CDKN2B-AS1: variants seen among roughly 807,000 people sequenced by gnomAD.
CDKN2B-AS1 encodes CDKN2B antisense RNA 1 (non-protein coding).
At chr9:22,028,793 A>G (rs1822344541) in intron 1 of CDKN2B-AS1, among the ~76,000 whole-genome samples, 1 of 152,170 alleles carries the variant, frequency 6.6e-6, no homozygotes, top group African/African-American at 2.4e-5. Flanking sequence ...CACTTCAGAA[A>G]ACTCTGCCAT....
chr9:22,115,244 C>A (rs1259542340), intron 4 of CDKN2B-AS1, among the ~76,000 whole-genome samples: 1 of 152,140 alleles, frequency 6.6e-6, no homozygotes, highest in African/African-American at 2.4e-5. Flanking sequence ...TTGTGCATGA[C>A]CTCTTTAGTT....
intron 4 of CDKN2B-AS1, among the ~76,000 whole-genome samples, chr9:22,126,826 C>T (rs1359119356): frequency 6.6e-6 from 1 of 152,140 alleles, no homozygotes; most frequent in Non-Finnish European, 1.5e-5. Flanking sequence ...CCCGCCTCGG[C>T]CTCCCAAAGT....
rs1823381499 is a variant in CDKN2B-AS1 at position 22,052,313 on chromosome 9, A to AAATG, written n.302+3096_302+3099dup. 2.0e-5 allele frequency among the ~76,000 whole-genome samples: 3 copies of AAATG among 152,306 alleles called. No homozygotes were observed. In the South Asian group the frequency reaches 6.2e-4, roughly 32 times the overall value. On this transcript the variant is annotated intron_variant and non_coding_transcript_variant, in intron 3 of 4. Transcript: ENST00000650946. ...GAGCATAGCAGGCATTCAGTGAATG[A>AAATG]AATGAATGAATGAAAAGCTAGAGTC...
intron 4 of CDKN2B-AS1, among the ~76,000 whole-genome samples, chr9:22,062,976 G>GACAC (rs534087244): frequency 8.0e-6 from 1 of 125,294 alleles, no homozygotes; most frequent in African/African-American, 3.1e-5. Flanking sequence ...GTGAAAGACA[G>GACAC]ACACACACAC....
chr9:22,009,089 C>T, intron 1 of CDKN2B-AS1: 6 of 1,337,154 alleles, frequency 4.5e-6, no homozygotes, highest in Non-Finnish European at 5.3e-6. Flanking sequence ...CTTCATTACC[C>T]TCCCGTCGTC....
intron 4 of CDKN2B-AS1, among the ~76,000 whole-genome samples, chr9:22,117,036 A>G (rs962424180): frequency 6.6e-6 from 1 of 152,242 alleles, no homozygotes; most frequent in Non-Finnish European, 1.5e-5. Flanking sequence ...ATGACTTCTA[A>G]TAATGAACAA....
At chr9:22,028,790 G>A (rs529421828) in intron 1 of CDKN2B-AS1, among the ~76,000 whole-genome samples, 1 of 152,214 alleles carries the variant, frequency 6.6e-6, no homozygotes, top group African/African-American at 2.4e-5. Context: ...TGTCACTTCA[G>A]AAAACTCTGC....
At chr9:22,124,107 TCAAA>T (rs1826143009) in intron 4 of CDKN2B-AS1, among the ~76,000 whole-genome samples, 1 of 152,290 alleles carries the variant, frequency 6.6e-6, no homozygotes, top group Non-Finnish European at 1.5e-5. Context: ...CATATATTAC[TCAAA>T]CAATTTAGAA....
At chr9:22,074,755 A>T (rs570457903) in intron 4 of CDKN2B-AS1, among the ~76,000 whole-genome samples, 2 of 152,294 alleles carry the variant, frequency 1.3e-5, no homozygotes, top group East Asian at 3.9e-4. Context: ...GGCAAGTGAG[A>T]TGCATATCTG....
chr9:22,030,110 A>T (rs952239228), intron 1 of CDKN2B-AS1: 1 of 152,240 alleles, frequency 6.6e-6, no homozygotes, highest in Non-Finnish European at 1.5e-5. Flanking sequence ...CTCACATGTC[A>T]TACTGAAAAA....
intron 1 of CDKN2B-AS1, among the ~76,000 whole-genome samples, chr9:22,041,235 A>G (rs1032814789): frequency 6.6e-6 from 1 of 152,012 alleles, no homozygotes; most frequent in Non-Finnish European, 1.5e-5. Context: ...AAAATAGACA[A>G]TCTGAAGTGA....
chr9:22,121,990 G>C (rs1009089910), intron 4 of CDKN2B-AS1, among the ~76,000 whole-genome samples: 1 of 151,526 alleles, frequency 6.6e-6, no homozygotes, highest in East Asian at 1.9e-4. Flanking sequence ...CATAGTGGTT[G>C]TACTAGTTTA....
intron 4 of CDKN2B-AS1, among the ~76,000 whole-genome samples, chr9:22,063,768 C>T (rs530918088): frequency 1.6e-4 from 25 of 152,188 alleles, no homozygotes; most frequent in Non-Finnish European, 3.1e-4. Context: ...ACGAAGACCC[C>T]GGAGCTGGAG....
chr9:22,037,103 C>T (rs1412609914), intron 1 of CDKN2B-AS1, among the ~76,000 whole-genome samples: 1 of 151,982 alleles, frequency 6.6e-6, no homozygotes, highest in Non-Finnish European at 1.5e-5. Flanking sequence ...TTGTGTTATT[C>T]AAGGATTCTA....
chr9:22,055,548 G>C (rs1823524388), intron 3 of CDKN2B-AS1, among the ~76,000 whole-genome samples: 1 of 152,048 alleles, frequency 6.6e-6, no homozygotes, highest in South Asian at 2.1e-4. Flanking sequence ...TAGGTAGGTT[G>C]GTTGTTTTTT....
intron 1 of CDKN2B-AS1, among the ~76,000 whole-genome samples, chr9:22,012,911 T>G (rs1821574675): frequency 1.3e-5 from 2 of 152,230 alleles, no homozygotes; most frequent in Non-Finnish European, 2.9e-5. Context: ...AATTAAATGG[T>G]GGACTTGTTC....
At chr9:22,002,396 A>C (rs1820958356) in intron 1 of CDKN2B-AS1, among the ~76,000 whole-genome samples, 1 of 152,022 alleles carries the variant, frequency 6.6e-6, no homozygotes, top group South Asian at 2.1e-4. Context: ...TGATTTAAAA[A>C]ATCCATCTCT....
chr9:22,046,585 T>C (rs1422811418), intron 1 of CDKN2B-AS1: 2 of 152,176 alleles, frequency 1.3e-5, no homozygotes, highest in Middle Eastern at 3.2e-3. Flanking sequence ...TTGTGTTCTA[T>C]TTATTGAGTA....
At chr9:22,028,265 A>G (rs1822321738) in intron 1 of CDKN2B-AS1, among the ~76,000 whole-genome samples, 1 of 152,130 alleles carries the variant, frequency 6.6e-6, no homozygotes, top group South Asian at 2.1e-4. Flanking sequence ...CAATAATAAA[A>G]CCACTATCTC....
Sources: allele counts gnomAD v4.1 joint callset (sites outside exome capture counted in the v4.1 genomes callset), GRCh38; gene constraint gnomAD v4.1.1; transcripts MANE v1.5; gene names NCBI Gene and HGNC (gene_info 2026-07-23, HGNC 2026-07-21).